Variants in RGS20 observed in about 807,000 individuals in gnomAD.
RGS20 encodes gz-selective GTPase-activating protein.
Under a neutral mutation model 33.6 loss-of-function variants are expected in RGS20, and 30 were observed. The observed-to-expected ratio is 0.89, with a 90% CI of 0.67 to 1.21. The LOEUF is 1.21. RGS20 is among the 50% of genes most tolerant of loss of function. RGS20 has a pLI of 0.00. For missense variants in RGS20, 472 were observed against 502.4 expected (o/e 0.94, Z 0.58); for synonymous variants, 208 against 197.9 (o/e 1.05, Z -0.43).
intron 2 of RGS20, among the ~76,000 whole-genome samples, chr8:53,907,353 G>A (rs111921583): frequency 0.054 from 8,205 of 152,160 alleles, 665 homozygotes; most frequent in African/African-American, 0.18. Flanking sequence ...TTGAGAGGCC[G>A]AGGTGGGCAG....
chr8:53,883,302 A>G (rs1399643422), intron 2 of RGS20, among the ~76,000 whole-genome samples: 7 of 151,840 alleles, frequency 4.6e-5, no homozygotes, highest in Admixed American at 3.9e-4. Flanking sequence ...GGCTGGGATT[A>G]CAGGCATGCG....
At position 53,927,777 on chromosome 8, in the gene RGS20, A is replaced by C. The variant is rs1028451681; in HGVS notation, c.511-11799A>C. Among the ~76,000 whole-genome samples, 3 of 152,188 alleles carry C rather than the reference A, an allele frequency of 2.0e-5. No homozygotes were observed. In the East Asian group the frequency reaches 5.8e-4, roughly 29 times the overall value. On this transcript the variant is annotated intron_variant, in intron 2 of 5. Coordinates refer to ENST00000297313, the MANE Select transcript of RGS20 (RefSeq NM_170587.4). ...ACAAATGGAAATGATATGTGCATAG[A>C]GTTCTCCCACAGATATGATGAAGGC...
In RGS20 at chr8:53,958,494, A is replaced by T; in HGVS notation, c.*36A>T. ...ATATATTTATTATTAATAAAATAAT[A>T]AAAGAATTCATGGGCTACAACTAGC... is the stretch of plus-strand genomic sequence containing the variant. On this transcript the variant is annotated 3_prime_UTR_variant, in exon 6 of 6. Transcript: ENST00000297313. 8.4e-7 allele frequency: 1 copy of T among 1,197,348 alleles called. No homozygotes were observed. The highest frequency in any genetic ancestry group is 1.1e-6 in the Non-Finnish European group (1 of 914,048). 74.2% of individuals were successfully genotyped at this position (1,197,348 alleles called of 1,614,324 possible).
chr8:53,930,916 G>C (rs1269977184), intron 2 of RGS20, among the ~76,000 whole-genome samples: 1 of 152,102 alleles, frequency 6.6e-6, no homozygotes, highest in Non-Finnish European at 1.5e-5. Context: ...GATTGTGCTG[G>C]CTTGTCCTGA....
At chr8:53,947,246 CAT>C (rs1430196582) in intron 4 of RGS20, among the ~76,000 whole-genome samples, 1 of 142,024 alleles carries the variant, frequency 7.0e-6, no homozygotes, top group Non-Finnish European at 1.5e-5. Flanking sequence ...TAAGATATAG[CAT>C]ATTTATTTAT....
At position 53,959,162 on chromosome 8, in the gene RGS20, C is replaced by G. The variant is rs1055006129; in HGVS notation, c.*704C>G. ...TACTGTTATTATCAGAATTTGCCAA[C>G]CTAAAGAATGAATTTTTAAATTCAT... On this transcript the variant is annotated 3_prime_UTR_variant, in exon 6 of 6. Transcript: ENST00000297313. 8 of 152,114 alleles carry G rather than the reference C, an allele frequency of 5.3e-5. No homozygotes were observed. The highest frequency in any genetic ancestry group is 1.7e-4 in the African/African-American group (7 of 41,412). The allele number at this position is 152,114 out of a possible 1,614,324, so 9.4% of individuals were successfully genotyped here.
At chr8:53,900,507 A>G (rs1457400754) in intron 2 of RGS20, among the ~76,000 whole-genome samples, 1 of 152,236 alleles carries the variant, frequency 6.6e-6, no homozygotes, top group Non-Finnish European at 1.5e-5. Flanking sequence ...TACATTAAAT[A>G]TCAATGTTTA....
intron 2 of RGS20, among the ~76,000 whole-genome samples, chr8:53,916,977 C>G (rs1170295363): frequency 1.3e-5 from 2 of 152,116 alleles, no homozygotes; most frequent in African/African-American, 2.4e-5. Flanking sequence ...TTCTCATGAC[C>G]TAATCACTCC....
chr8:53,923,135 T>C (rs895063633), intron 2 of RGS20, among the ~76,000 whole-genome samples: 6 of 152,196 alleles, frequency 3.9e-5, no homozygotes, highest in African/African-American at 1.2e-4. Context: ...TTAAGGTGTA[T>C]ATGTATTACA....
At chr8:53,864,825 G>A (rs773748753) in intron 1 of RGS20, among the ~76,000 whole-genome samples, 5 of 152,124 alleles carry the variant, frequency 3.3e-5, no homozygotes, top group Non-Finnish European at 7.3e-5. Context: ...TGTTTCATAT[G>A]CCCTGAAAGA....
intron 2 of RGS20, among the ~76,000 whole-genome samples, chr8:53,931,843 G>A (rs1813974779): frequency 6.6e-6 from 1 of 152,090 alleles, no homozygotes; most frequent in African/African-American, 2.4e-5. Context: ...ATGAGAAACT[G>A]TGCCATAAGG....
chr8:53,873,781 G>A (rs1483540), intron 1 of RGS20, among the ~76,000 whole-genome samples: 11,947 of 152,246 alleles, frequency 0.078, 1,002 homozygotes, highest in East Asian at 0.32. Flanking sequence ...AAAAAAAACT[G>A]TATTGCAGAG....
rs367932127 is a variant in RGS20 at position 53,932,872 on chromosome 8, G to A, written c.511-6704G>A. Reference sequence around the variant, plus strand: ...GTCGACAGACACCTCATACAGGAGCGCTCCAACTGGCCTCTGGTGGGTGCC... The same window carrying A: ...GTCGACAGACACCTCATACAGGAGCACTCCAACTGGCCTCTGGTGGGTGCC... On this transcript the variant is annotated intron_variant, in intron 2 of 5. Transcript: ENST00000297313. Among the ~76,000 whole-genome samples, 36 of 152,268 alleles carry A rather than the reference G, an allele frequency of 2.4e-4. No homozygotes were observed. The East Asian group carries it at 4.1e-3, about 17-fold the overall frequency.
At chr8:53,855,417 T>C (rs1439151219) in intron 1 of RGS20, among the ~76,000 whole-genome samples, 1 of 152,164 alleles carries the variant, frequency 6.6e-6, no homozygotes, top group African/African-American at 2.4e-5. Flanking sequence ...ATATTCATGG[T>C]TGCCAAAGAT....
At position 53,917,375 on chromosome 8, in the gene RGS20, C is replaced by T. The variant is rs1032615079; in HGVS notation, c.511-22201C>T. 5.3e-5 allele frequency among the ~76,000 whole-genome samples: 8 copies of T among 152,148 alleles called. No individual in the cohort carries two copies. In the South Asian group the frequency reaches 6.2e-4, roughly 12 times the overall value. On this transcript the variant is annotated intron_variant, in intron 2 of 5. Transcript: ENST00000297313. ...TGTTGGCCAGGCTGGTCTGGAACTCCTGACCTCAGGTGATCCGCCTGCCTC... is the reference window on the plus strand; with the variant it reads ...TGTTGGCCAGGCTGGTCTGGAACTCTTGACCTCAGGTGATCCGCCTGCCTC...
chr8:53,874,399 TGTGC>T (rs1045189511), intron 1 of RGS20, among the ~76,000 whole-genome samples: 33 of 128,194 alleles, frequency 2.6e-4, no homozygotes, highest in Admixed American at 7.7e-5. Flanking sequence ...TGTGTGTGTG[TGTGC>T]GCGCGCGTGT....
At chr8:53,862,083 G>A (rs1002745323) in intron 1 of RGS20, among the ~76,000 whole-genome samples, 1 of 152,134 alleles carries the variant, frequency 6.6e-6, no homozygotes, top group Non-Finnish European at 1.5e-5. Flanking sequence ...GCCCCTGGTC[G>A]TTAGCCTGGA....
At position 53,944,310 on chromosome 8, in the gene RGS20, C is replaced by A. The variant is rs550964441; in HGVS notation, c.660-2355C>A. Among the ~76,000 whole-genome samples the A allele has an allele frequency of 7.9e-5, 12 of 152,202 alleles. No individual in the cohort carries two copies. In the South Asian group the frequency reaches 2.1e-3, roughly 26 times the overall value. On this transcript the variant is annotated intron_variant, in intron 3 of 5. Coordinates refer to ENST00000297313, the MANE Select transcript of RGS20 (RefSeq NM_170587.4). Reference sequence around the variant, plus strand: ...ATCCCAACACTTTGGGAGGCCGAGGCGGGCAGATCACAAGGTCAGCAATTC... The same window carrying A: ...ATCCCAACACTTTGGGAGGCCGAGGAGGGCAGATCACAAGGTCAGCAATTC...
intron 3 of RGS20, among the ~76,000 whole-genome samples, chr8:53,945,047 G>T (rs546973331): frequency 6.6e-6 from 1 of 152,300 alleles, no homozygotes; most frequent in African/African-American, 2.4e-5. Flanking sequence ...CAGTTTGGGA[G>T]TTCCTCAAAA....
Sources: allele counts gnomAD v4.1 joint callset (sites outside exome capture counted in the v4.1 genomes callset), GRCh38; gene constraint gnomAD v4.1.1; transcripts MANE v1.5; gene names NCBI Gene and HGNC (gene_info 2026-07-23, HGNC 2026-07-21).